Variants in FAM9B observed in about 807,000 individuals in gnomAD.
The protein encoded by FAM9B is family with sequence similarity 9 member B.
FAM9B carries 18 observed loss-of-function variants against 16.6 expected under a neutral mutation model. That is an observed-to-expected ratio of 1.09 (90% CI 0.75 to 1.61). The LOEUF (loss-of-function observed/expected upper bound fraction) is 1.61, where lower values mean the gene tolerates loss of function less well. Ranked by LOEUF, FAM9B falls within the 40% of genes most tolerant of loss-of-function variation. The pLI is 0.00. For synonymous variants in FAM9B, 43 were observed against 42.6 expected, an observed-to-expected ratio of 1.01 and a Z score of -0.03; for missense variants, 155 against 136.0, an observed-to-expected ratio of 1.14 and a Z score of -0.70.
At chrX:9,032,909 C>A in intron 2 of FAM9B, 50 bp downstream of exon 2, 1 of 1,198,017 alleles carries the variant, frequency 8.3e-7, no homozygotes, top group Non-Finnish European at 1.1e-6. Context: ...GCAGACAGAC[C>A]GTCCTCTTGG....
At chrX:9,027,838 T>C (rs754407254) in intron 7 of FAM9B, 30 bp downstream of exon 7, 2 of 1,100,974 alleles carry the variant, frequency 1.8e-6, no homozygotes, top group Non-Finnish European at 2.5e-6. Context: ...TTGTATTTTA[T>C]AATGTATTAT....
intron 4 of FAM9B, chrX:9,030,633 A>G (rs1921044533): frequency 4.7e-6 from 1 of 214,628 alleles, no homozygotes; most frequent in Non-Finnish European, 8.4e-6. Context: ...CAAATAATTA[A>G]AAGTCTCTAT....
At chrX:9,027,743 G>T in intron 7 of FAM9B, 125 bp downstream of exon 7, 1 of 523,305 alleles carries the variant, frequency 1.9e-6, no homozygotes, top group Non-Finnish European at 3.3e-6. Context: ...CATTCAAAGT[G>T]AAAATGCTAA....
intron 6 of FAM9B, among the ~76,000 whole-genome samples, chrX:9,028,681 G>C (rs749178201): frequency 2.4e-4 from 27 of 111,227 alleles, no homozygotes; most frequent in Non-Finnish European, 4.1e-4. Flanking sequence ...AGCTAGCAAT[G>C]GTCAAGCTGA....
intron 8 of FAM9B, 31 bp downstream of exon 8, chrX:9,025,453 G>C: frequency 1.1e-6 from 1 of 928,817 alleles, no homozygotes; most frequent in Non-Finnish European, 1.5e-6. Flanking sequence ...CATCAATCCT[G>C]AGTTTTTAAT....
At chrX:9,029,778 C>A (rs1347819281) in intron 5 of FAM9B, among the ~76,000 whole-genome samples, 33 of 111,953 alleles carry the variant, frequency 2.9e-4, no homozygotes, top group Non-Finnish European at 9.4e-5. Flanking sequence ...GCCATTCATC[C>A]CATAAGATTT....
At position 9,032,447 on chromosome X, in the gene FAM9B, G is replaced by A. The variant is rs1456573286; in HGVS notation, c.43C>T (p.Arg15Cys). The A allele has an allele frequency of 1.7e-6, 2 of 1,204,364 alleles. No individual in the cohort carries two copies. Among genetic ancestry groups the A allele is most frequent in the Non-Finnish European group, 2.2e-6 (2 of 891,830 alleles). Residue 15 changes from arginine (R) to cysteine (C), a missense_variant, in exon 3 of 9, where the codon CGT becomes TGT. Physicochemically the swap from Arg to Cys is radical, Grantham distance 180 (BLOSUM62 -3). Coordinates refer to ENST00000327220, the MANE Select transcript of FAM9B (RefSeq NM_205849.3). ...GKKHAGKDPVRDECEERNRFT... is the reference protein window; with the variant it reads ...GKKHAGKDPVCDECEERNRFT... ...CGGTTTCTTTCCTCACATTCATCAC[G>A]GACTGGATCCTTTCCTGCATTAAAA...
At chrX:9,028,606 A>C (rs1920990471) in intron 6 of FAM9B, among the ~76,000 whole-genome samples, 1 of 111,508 alleles carries the variant, frequency 9.0e-6, no homozygotes, top group Admixed American at 9.6e-5. Flanking sequence ...CCTCCAAACA[A>C]CTCTGACGTA....
At chrX:9,025,864 A>G (rs1184283793) in intron 7 of FAM9B, among the ~76,000 whole-genome samples, 4 of 111,624 alleles carry the variant, frequency 3.6e-5, no homozygotes, top group Non-Finnish European at 7.5e-5. Flanking sequence ...GATGGAGCGA[A>G]GACAGAAAAA....
chrX:9,030,146 A>G (rs1448691800), intron 5 of FAM9B, 115 bp downstream of exon 5: 1 of 1,144,167 alleles, frequency 8.7e-7, no homozygotes, highest in Admixed American at 2.8e-5. Context: ...ATCAAGTAAA[A>G]TATGTTGTTC....
chrX:9,025,452 TGA>T (rs1167118453), intron 8 of FAM9B, 30 bp downstream of exon 8: 15 of 934,189 alleles, frequency 1.6e-5, no homozygotes, highest in Non-Finnish European at 2.1e-5. Flanking sequence ...ACATCAATCC[TGA>T]GTTTTTAATA....
Position 9,029,345 on chromosome X carries a change from C to T in FAM9B, c.355G>A (p.Glu119Lys), listed in dbSNP as rs1473300456. The T allele has an allele frequency of 3.3e-6, 4 of 1,207,631 alleles. No homozygotes were observed. The African/African-American group carries it at 7.0e-5, about 21-fold the overall frequency. ...LEEYITDEQKEEEEEEGEEEE... is the reference protein window; with the variant it reads ...LEEYITDEQKKEEEEEGEEEE... ...TCTTCTCCCTCTTCTTCTTCTTCCTCTTTCTGCTCGTCTGTGATGTATTCT... is the reference window on the plus strand; with the variant it reads ...TCTTCTCCCTCTTCTTCTTCTTCCTTTTTCTGCTCGTCTGTGATGTATTCT... Residue 119 changes from glutamate (E) to lysine (K), a missense_variant, in exon 6 of 9, where the codon GAG becomes AAG. By Grantham distance (56) the Glu-to-Lys change is moderately conservative. Coordinates refer to ENST00000327220, the MANE Select transcript of FAM9B (RefSeq NM_205849.3).
At chrX:9,032,595 G>A in intron 2 of FAM9B, 134 bp from the exon 3 acceptor site, 1 of 951,653 alleles carries the variant, frequency 1.1e-6, no homozygotes, top group Non-Finnish European at 1.4e-6. Flanking sequence ...TTAAAGCAGA[G>A]CTATACATGG....
chrX:9,032,998 C>T lies in FAM9B; in HGVS notation c.-12G>A. 1 of 1,212,013 alleles carries T rather than the reference C, an allele frequency of 8.3e-7. No homozygotes were observed. The highest frequency in any genetic ancestry group is 1.1e-6 in the Non-Finnish European group (1 of 895,579). ...CCCCAGGCCGCCATAAATTGAGCCT[C>T]CAACTGGGCCTTGGCAGCCCTCCTG... On this transcript the variant is annotated 5_prime_UTR_variant, in exon 2 of 9. Coordinates refer to ENST00000327220, the MANE Select transcript of FAM9B (RefSeq NM_205849.3).
chrX:9,032,005 G>A (rs1458585047), intron 4 of FAM9B, 125 bp downstream of exon 4: 11 of 539,442 alleles, frequency 2.0e-5, no homozygotes, highest in South Asian at 4.9e-5. Context: ...AAATACGTAC[G>A]TTAAATGCTA....
At position 9,024,930 on chromosome X, in the gene FAM9B, C is replaced by G. The variant is rs957990648; in HGVS notation, c.*479G>C. ...CTCCTGACCTCAAGTGATCCACTCC[C>G]CTCGGCCTCCCAAAGTGCTGGGATT... On this transcript the variant is annotated 3_prime_UTR_variant, in exon 9 of 9. Coordinates refer to ENST00000327220, the MANE Select transcript of FAM9B (RefSeq NM_205849.3). 8.9e-6 allele frequency: 1 copy of G among 112,394 alleles called. No individual in the cohort carries two copies. Among genetic ancestry groups the G allele is most frequent in the African/African-American group, 3.2e-5 (1 of 30,929 alleles). The allele number at this position is 112,394 out of a possible 1,213,427, so 9.3% of individuals were successfully genotyped here.
chrX:9,026,445 C>G (rs1173199358), intron 7 of FAM9B, among the ~76,000 whole-genome samples: 1 of 110,663 alleles, frequency 9.0e-6, no homozygotes, highest in African/African-American at 3.3e-5. Context: ...CTCTGAATAT[C>G]TAAGAACTGA....
intron 3 of FAM9B, 64 bp from the exon 4 acceptor site, chrX:9,032,225 A>G: frequency 8.4e-7 from 1 of 1,197,057 alleles, no homozygotes; most frequent in Non-Finnish European, 1.1e-6. Context: ...TTTGTTGGGA[A>G]AAGAAATGTC....
At chrX:9,026,822 T>C (rs915084171) in intron 7 of FAM9B, among the ~76,000 whole-genome samples, 1 of 111,720 alleles carries the variant, frequency 9.0e-6, no homozygotes, top group African/African-American at 3.3e-5. Flanking sequence ...TACCAATTAA[T>C]AAATGGTATC....
Sources: allele counts gnomAD v4.1 joint callset (sites outside exome capture counted in the v4.1 genomes callset), GRCh38; gene constraint gnomAD v4.1.1; transcripts MANE v1.5; gene names NCBI Gene and HGNC (gene_info 2026-07-23, HGNC 2026-07-21).